AGL: variants seen among roughly 807,000 people sequenced by gnomAD.
AGL encodes the protein amylo-alpha-1,6-glucosidase and 4-alpha-glucanotransferase, also known as glycogen debranching enzyme.
A neutral mutation model predicts 199.3 loss-of-function variants in AGL; 128 were observed. The observed-to-expected ratio is 0.64, with a 90% CI of 0.56 to 0.74. The LOEUF (loss-of-function observed/expected upper bound fraction) is 0.74, where lower values mean the gene tolerates loss of function less well. Among genes scored for constraint, AGL ranks in the 30% least tolerant of loss-of-function variants. The pLI, the probability that AGL is intolerant of heterozygous loss-of-function variation, is 0.00. For missense variants in AGL, 1,809 were observed against 1,820.8 expected (o/e 0.99, Z 0.12); for synonymous variants, 584 against 594.7 (o/e 0.98, Z 0.26).
At chr1:99,915,545 C>G in intron 31 of AGL, 59 bp downstream of exon 31, 1 of 1,282,854 alleles carries the variant, frequency 7.8e-7, no homozygotes, top group Non-Finnish European at 1.1e-6. Context: ...ACATTGACAT[C>G]AACCATAATT....
chr1:99,876,670 A>G, intron 11 of AGL, 73 bp downstream of exon 11: 1 of 1,540,404 alleles, frequency 6.5e-7, no homozygotes, highest in Non-Finnish European at 9.0e-7. Context: ...AATCTGCTTT[A>G]CTGATTTTCT....
In AGL at chr1:99,884,470, A is replaced by G. The variant is rs1457973366; in HGVS notation, c.2546+19A>G. On this transcript the variant is annotated intron_variant, in intron 19 of 33. Transcript: ENST00000361915. ...TATTCAGGTATGTTAATTGAGCTCA[A>G]ACTGTTGACTTTACTTATATTTAAA... The G allele has an allele frequency of 6.2e-7, 1 of 1,603,532 alleles. No homozygotes were observed. Among genetic ancestry groups the G allele is most frequent in the Non-Finnish European group, 8.5e-7 (1 of 1,171,268 alleles).
chr1:99,922,331 T>A lies in AGL; in HGVS notation c.*680T>A, dbSNP rs886044928. On this transcript the variant is annotated 3_prime_UTR_variant, in exon 34 of 34. Coordinates refer to ENST00000361915, the MANE Select transcript of AGL (RefSeq NM_000642.3). ...AAAAACAGTTTTGTAAAATTAGTAT[T>A]GAGTTCTATTGAGTATTATAAGATA... The A allele has an allele frequency of 1.3e-5, 2 of 151,848 alleles. No individual in the cohort carries two copies. Among genetic ancestry groups the A allele is most frequent in the Non-Finnish European group, 2.9e-5 (2 of 67,822 alleles). 9.4% of individuals were successfully genotyped at this position (151,848 alleles called of 1,614,324 possible). A position where few individuals can be genotyped will look rare whatever the true frequency, so the allele number is the denominator to read the frequency against.
Position 99,881,374 on chromosome 1 carries a change from A to G in AGL, c.2084A>G (p.Gln695Arg), listed in dbSNP as rs778021848. The stretch of plus-strand genomic sequence containing the variant: ...TCAAACACAGGTGAAGTTAATTTCC[A>G]AAGCGGCATTATTGCAGCCAGGTGT... The part of the protein sequence containing the change: ...LPSNTGEVNF[Q>R]SGIIAARCAI... Residue 695 changes from glutamine to arginine, a missense_variant, in exon 16 of 34, where the codon CAA becomes CGA. By Grantham distance (43) the Gln-to-Arg change is conservative. Transcript: ENST00000361915. 6.2e-7 allele frequency: 1 copy of G among 1,614,184 alleles called. No homozygotes were observed. Among genetic ancestry groups the G allele is most frequent in the East Asian group, 2.2e-5 (1 of 44,882 alleles).
rs1655672929 is a variant in AGL, at chr1:99,923,804, T to G, written c.*2153T>G. On this transcript the variant is annotated 3_prime_UTR_variant, in exon 34 of 34. Transcript: ENST00000361915. ...TTTCACTAATCAAAATCAAAATTAC[T>G]CTTTAACATGATAAATGAATTTACC... 1 of 152,186 alleles carries G rather than the reference T, an allele frequency of 6.6e-6. No individual in the cohort carries two copies. The highest frequency in any genetic ancestry group is 1.5e-5 in the Non-Finnish European group (1 of 68,038). The allele number at this position is 152,186 out of a possible 1,614,324, so 9.4% of individuals were successfully genotyped here.
Position 99,881,168 on chromosome 1 carries a change from G to A in AGL, c.1992G>A (p.Val664=), listed in dbSNP as rs2100758768. The A allele has an allele frequency of 1.2e-6, 2 of 1,613,510 alleles. No individual in the cohort carries two copies. Among genetic ancestry groups the A allele is most frequent in the Non-Finnish European group, 1.7e-6 (2 of 1,179,502 alleles). The change falls in exon 15 of 34, where the codon GTG becomes GTA. Residue 664 remains valine (V), a synonymous_variant. Coordinates refer to ENST00000361915, the MANE Select transcript of AGL (RefSeq NM_000642.3). ...GTACAAGAGGCTATGATGAATTAGT[G>A]CCTCATCAGGTTTGTTTATATGTTG... is the stretch of plus-strand genomic sequence containing the variant. ...SGSTRGYDEL[V]PHQISVVSEE... is the part of the protein sequence containing the mutation.
At chr1:99,910,529 A>G (rs1313746626) in intron 27 of AGL, among the ~76,000 whole-genome samples, 183 bp from the exon 28 acceptor site, 1 of 152,176 alleles carries the variant, frequency 6.6e-6, no homozygotes, top group African/African-American at 2.4e-5. Context: ...GTGGTAGAAT[A>G]TACACATCTC....
At chr1:99,906,735 T>C (rs994197056) in intron 27 of AGL, among the ~76,000 whole-genome samples, 75 of 152,218 alleles carry the variant, frequency 4.9e-4, no homozygotes, top group Non-Finnish European at 1.0e-3. Context: ...GGCTGCATAA[T>C]ATTCCATTGT....
chr1:99,914,902 C>T (rs2100865774), intron 30 of AGL, among the ~76,000 whole-genome samples: 1 of 152,154 alleles, frequency 6.6e-6, no homozygotes, highest in South Asian at 2.1e-4. Flanking sequence ...CATAGTGAGA[C>T]TTCATCTCCA....
rs370797337 is a variant in AGL at position 99,900,724 on chromosome 1, C to T, written c.3451C>T (p.Arg1151Trp). The T allele has an allele frequency of 9.7e-5, 157 of 1,613,908 alleles. No homozygotes were observed. Among genetic ancestry groups the T allele is most frequent in the Admixed American group, 4.5e-4 (27 of 59,988 alleles). The change falls in exon 26 of 34, where the codon CGG becomes TGG. Residue 1151 changes from arginine (R) to tryptophan (W), a missense_variant. Arg to Trp is a moderately radical substitution (Grantham distance 101). Coordinates refer to ENST00000361915, the MANE Select transcript of AGL (RefSeq NM_000642.3). ...AGGAATTTATGCCAGATACAATTGT[C>T]GGGATGCTGTGTGGTGGTGGCTGCA... ...GEGIYARYNC[R>W]DAVWWWLQCI...
rs976215274 is a variant in AGL, at chr1:99,881,806, C to T, written c.2308+115C>T. 14 of 1,032,026 alleles carry T rather than the reference C, an allele frequency of 1.4e-5. No homozygotes were observed. The African/African-American group carries it at 2.3e-4, about 17-fold the overall frequency. 63.9% of individuals were successfully genotyped at this position (1,032,026 alleles called of 1,614,324 possible). A position where few individuals can be genotyped will look rare whatever the true frequency, so the allele number is the denominator to read the frequency against. On this transcript the variant is annotated intron_variant, in intron 17 of 33. Coordinates refer to ENST00000361915, the MANE Select transcript of AGL (RefSeq NM_000642.3). ...TCATATATATTATAACACAGTGCTA[C>T]TGTGGACGTACTTGAGAAAAAGAAT...
chr1:99,883,027 A>G (rs3820156), intron 17 of AGL, among the ~76,000 whole-genome samples: 78,401 of 151,992 alleles, frequency 0.52, 20,682 homozygotes, highest in East Asian at 0.67. Context: ...TTTTGGTCAC[A>G]GATCATTCTT....
Position 99,876,615 on chromosome 1 carries a change from T to A in AGL, c.1423+18T>A. 2 of 1,613,566 alleles carry A rather than the reference T, an allele frequency of 1.2e-6. No individual in the cohort carries two copies. Among genetic ancestry groups the A allele is most frequent in the Non-Finnish European group, 1.7e-6 (2 of 1,179,614 alleles). ...TGAACCGGGTATGTAATTTTTAACTTCTCTGTGGATGGGGAAAGAATAGTT... is the reference window on the plus strand; with the variant it reads ...TGAACCGGGTATGTAATTTTTAACTACTCTGTGGATGGGGAAAGAATAGTT... On this transcript the variant is annotated intron_variant, in intron 11 of 33. Transcript: ENST00000361915.
chr1:99,892,317 T>G, intron 23 of AGL, 115 bp from the exon 24 acceptor site: 1 of 938,932 alleles, frequency 1.1e-6, no homozygotes, highest in South Asian at 1.6e-5. Flanking sequence ...TTAAGTAATA[T>G]TACTATTGTT....
intron 2 of AGL, among the ~76,000 whole-genome samples, chr1:99,857,265 A>G (rs1464140292): frequency 6.6e-6 from 1 of 151,676 alleles, no homozygotes; most frequent in Non-Finnish European, 1.5e-5. Flanking sequence ...GCGGCCGGGC[A>G]GAGACGCTCC....
intron 2 of AGL, 58 bp from the exon 3 acceptor site, chr1:99,861,445 T>A: frequency 6.2e-7 from 1 of 1,610,034 alleles, no homozygotes; most frequent in African/African-American, 1.3e-5. Context: ...AACATCTGTT[T>A]TTCAATGTGG....
rs1653116800 is a variant in AGL, at chr1:99,894,051, G to A, written c.3259+1444G>A. Among the ~76,000 whole-genome samples the A allele has an allele frequency of 2.0e-5, 3 of 152,084 alleles. No homozygotes were observed. In the South Asian group the frequency reaches 6.2e-4, roughly 32 times the overall value. On this transcript the variant is annotated intron_variant, in intron 24 of 33. Transcript: ENST00000361915. Reference sequence around the variant, plus strand: ...AAAAAATTAAAAATTAGCCAGGCATGGTGGTATGTACCTGTAGTCCTAGCT... The same window carrying A: ...AAAAAATTAAAAATTAGCCAGGCATAGTGGTATGTACCTGTAGTCCTAGCT...
At position 99,921,802 on chromosome 1, in the gene AGL, AT is replaced by A. The variant is rs1179590151; in HGVS notation, c.*159del. ...ATTAGGTAAGATTGTAAAAGCATTGATTTTTTTTAATGTACAGAGGTAGATT... is the reference window on the plus strand; with the variant it reads ...ATTAGGTAAGATTGTAAAAGCATTGATTTTTTTAATGTACAGAGGTAGATT... On this transcript the variant is annotated 3_prime_UTR_variant, in exon 34 of 34. Transcript: ENST00000361915. 23 of 523,434 alleles carry A rather than the reference AT, an allele frequency of 4.4e-5. No homozygotes were observed. The highest frequency in any genetic ancestry group is 6.0e-5 in the Non-Finnish European group (18 of 299,028). The allele number at this position is 523,434 out of a possible 1,614,324, so 32.4% of individuals were successfully genotyped here.
Position 99,884,377 on chromosome 1 carries a change from C to T in AGL, c.2472C>T (p.Ala824=). Residue 824 remains alanine, a synonymous_variant, in exon 19 of 34, where the codon GCC becomes GCT. Coordinates refer to ENST00000361915, the MANE Select transcript of AGL (RefSeq NM_000642.3). ...ESKIVKQAGV[A]TKGPNEYIQE... ...AAATTGTTAAACAAGCTGGAGTTGC[C>T]ACAAAAGGGCCCAATGAATATATTC... The T allele has an allele frequency of 6.2e-7, 1 of 1,612,216 alleles. No homozygotes were observed. Among genetic ancestry groups the T allele is most frequent in the Non-Finnish European group, 8.5e-7 (1 of 1,179,316 alleles).
Sources: allele counts gnomAD v4.1 joint callset (sites outside exome capture counted in the v4.1 genomes callset), GRCh38; gene constraint gnomAD v4.1.1; transcripts MANE v1.5; gene names NCBI Gene and HGNC (gene_info 2026-07-23, HGNC 2026-07-21).